The following PLCL1 variants were observed in gnomAD, a reference collection of about 807,000 sequenced individuals.
PLCL1 encodes the protein inactive phospholipase C-like protein 1.
PLCL1 carries 41 observed loss-of-function variants against 84.4 expected under a neutral mutation model. The observed-to-expected ratio is 0.49, with a 90% CI of 0.38 to 0.63. The LOEUF (loss-of-function observed/expected upper bound fraction) is 0.63, where lower values mean the gene tolerates loss of function less well. PLCL1 is among the 30% of genes least tolerant of loss of function. PLCL1 has a pLI of 0.00. For synonymous variants in PLCL1, 490 were observed against 488.3 expected (o/e 1.00, Z -0.05); for missense variants, 1,206 against 1,367.8 (o/e 0.88, Z 1.87).
intron 1 of PLCL1, among the ~76,000 whole-genome samples, chr2:197,947,258 A>ATG (rs1689297037): frequency 6.7e-6 from 1 of 148,206 alleles, no homozygotes; most frequent in African/African-American, 2.5e-5. Flanking sequence ...ATATATATAT[A>ATG]TGTATATACA....
chr2:197,922,929 T>A (rs112080993), intron 1 of PLCL1, among the ~76,000 whole-genome samples: 1 of 72,152 alleles, frequency 1.4e-5, no homozygotes, highest in Admixed American at 1.5e-4. Context: ...CCCTCCCAGA[T>A]GGGGCGGCTG....
chr2:197,914,002 C>G (rs1040360946), intron 1 of PLCL1, among the ~76,000 whole-genome samples: 1 of 152,194 alleles, frequency 6.6e-6, no homozygotes, highest in African/African-American at 2.4e-5. Flanking sequence ...TCAAGAAAAA[C>G]TCATTTCTAA....
intron 1 of PLCL1, among the ~76,000 whole-genome samples, chr2:197,906,765 A>C (rs905426340): frequency 7.2e-5 from 11 of 152,140 alleles, no homozygotes; most frequent in African/African-American, 2.4e-4. Flanking sequence ...TTCTTCTTGA[A>C]GAGGTCCTTC....
intron 1 of PLCL1, among the ~76,000 whole-genome samples, chr2:197,947,882 T>A (rs192290055): frequency 6.8e-4 from 103 of 152,190 alleles, no homozygotes; most frequent in African/African-American, 2.5e-3. Context: ...TGGATAGGGG[T>A]CCTTTGCAGC....
chr2:198,085,803 G>T lies in PLCL1; in HGVS notation c.2286G>T (p.Ser762=). ...TACACGGAATTCCAGCGGATTGTTCGGAACAAAGAACTAAAACTGTACAGC... is the reference window on the plus strand; with the variant it reads ...TACACGGAATTCCAGCGGATTGTTCTGAACAAAGAACTAAAACTGTACAGC... The part of the protein sequence containing the change: ...IEIHGIPADC[S]EQRTKTVQQN... Residue 762 remains serine, a synonymous_variant, in exon 2 of 6, where the codon TCG becomes TCT. Transcript: ENST00000428675. This position sits in a 1 kb window ranked among gnomAD's most constrained non-coding sequence, Gnocchi z 5.3. 6.2e-7 allele frequency: 1 copy of T among 1,614,038 alleles called. No individual in the cohort carries two copies. The highest frequency in any genetic ancestry group is 8.5e-7 in the Non-Finnish European group (1 of 1,179,982).
At chr2:197,826,992 C>T (rs538271048) in intron 1 of PLCL1, among the ~76,000 whole-genome samples, 2 of 152,232 alleles carry the variant, frequency 1.3e-5, no homozygotes, top group Admixed American at 1.3e-4. Context: ...CAATGTATCA[C>T]CATGTTTTCT....
At chr2:197,883,414 G>A (rs766745033) in intron 1 of PLCL1, among the ~76,000 whole-genome samples, 9 of 152,104 alleles carry the variant, frequency 5.9e-5, no homozygotes, top group Non-Finnish European at 1.2e-4. Flanking sequence ...TCTCTGCCTC[G>A]TGGGATAATA....
At chr2:197,856,513 A>G (rs1687332840) in intron 1 of PLCL1, among the ~76,000 whole-genome samples, 1 of 152,230 alleles carries the variant, frequency 6.6e-6, no homozygotes, top group Non-Finnish European at 1.5e-5. Context: ...TATCTTTAAC[A>G]GAATGTTATT....
chr2:197,812,945 C>T (rs563181600), intron 1 of PLCL1, among the ~76,000 whole-genome samples: 1 of 152,248 alleles, frequency 6.6e-6, no homozygotes, highest in African/African-American at 2.4e-5. Flanking sequence ...CAAAAGCAAG[C>T]CAAATAACCT....
At chr2:197,821,609 A>G (rs1050021750) in intron 1 of PLCL1, among the ~76,000 whole-genome samples, 1 of 152,088 alleles carries the variant, frequency 6.6e-6, no homozygotes, top group African/African-American at 2.4e-5. Context: ...TTTCATAAGA[A>G]GGGGGATGAG....
chr2:197,958,412 G>A (rs1689535027), intron 1 of PLCL1, among the ~76,000 whole-genome samples: 1 of 151,688 alleles, frequency 6.6e-6, no homozygotes, highest in African/African-American at 2.4e-5. Flanking sequence ...GAAAGTTTAC[G>A]AATTTGTGTT....
intron 1 of PLCL1, among the ~76,000 whole-genome samples, chr2:197,816,325 T>C (rs777637391): frequency 5.9e-5 from 9 of 152,136 alleles, no homozygotes; most frequent in Non-Finnish European, 1.2e-4. Context: ...TATTTTAAGA[T>C]TAAGGTTATA....
At chr2:197,807,472 C>T (rs1456774991) in intron 1 of PLCL1, among the ~76,000 whole-genome samples, 1 of 59,364 alleles carries the variant, frequency 1.7e-5, no homozygotes, top group Non-Finnish European at 3.3e-5. Context: ...GGCCTTAACG[C>T]CCTTCTAAGG....
At chr2:197,892,611 G>A (rs997328986) in intron 1 of PLCL1, among the ~76,000 whole-genome samples, 16 of 152,206 alleles carry the variant, frequency 1.1e-4, no homozygotes, top group Non-Finnish European at 8.8e-5. Context: ...GCGGTAGACA[G>A]ATGTTTGTTT....
intron 1 of PLCL1, among the ~76,000 whole-genome samples, chr2:198,006,338 A>G (rs1388206894): frequency 6.6e-6 from 1 of 152,146 alleles, no homozygotes; most frequent in African/African-American, 2.4e-5. Flanking sequence ...GGCTAAATTA[A>G]TTTTTGGTAC....
chr2:197,922,056 A>C (rs1435169691), intron 1 of PLCL1, among the ~76,000 whole-genome samples: 3 of 115,168 alleles, frequency 2.6e-5, no homozygotes, highest in African/African-American at 1.0e-4. Flanking sequence ...GGTGTTTCTC[A>C]CAGAGGGGGA....
chr2:197,886,565 A>G (rs1484618673), intron 1 of PLCL1, among the ~76,000 whole-genome samples: 2 of 151,804 alleles, frequency 1.3e-5, no homozygotes, highest in African/African-American at 2.4e-5. Flanking sequence ...AAAAAAAATT[A>G]TCAGATTGTC....
chr2:197,831,568 G>C (rs1691067222), intron 1 of PLCL1, among the ~76,000 whole-genome samples: 1 of 151,972 alleles, frequency 6.6e-6, no homozygotes, highest in African/African-American at 2.4e-5. Flanking sequence ...CACAATAATA[G>C]TAGGAGACTT....
At chr2:198,031,794 T>G (rs555507047) in intron 1 of PLCL1, among the ~76,000 whole-genome samples, 18 of 152,062 alleles carry the variant, frequency 1.2e-4, no homozygotes, top group Non-Finnish European at 2.4e-4. Context: ...TCATGGGTTC[T>G]CAATAAATAT....
Sources: allele counts gnomAD v4.1 joint callset (sites outside exome capture counted in the v4.1 genomes callset), GRCh38; gene constraint gnomAD v4.1.1; non-coding constraint Gnocchi (gnomAD v3.1); transcripts MANE v1.5; gene names NCBI Gene and HGNC (gene_info 2026-07-23, HGNC 2026-07-21).